Variants in PNOC observed in about 807,000 individuals in gnomAD.
PNOC encodes prepronociceptin.
PNOC carries 10 observed loss-of-function variants against 15.6 expected under a neutral mutation model. That is an observed-to-expected ratio of 0.64 (90% CI 0.40 to 1.09). PNOC has a LOEUF of 1.09. Ranked by LOEUF, PNOC falls within the 50% of genes least tolerant of loss-of-function variation. PNOC has a pLI of 0.01. For synonymous variants in PNOC, 98 were observed against 88.5 expected (o/e 1.11, Z -0.60); for missense variants, 220 against 223.9 (o/e 0.98, Z 0.11).
chr8:28,330,585 T>G (rs994517482), intron 2 of PNOC, among the ~76,000 whole-genome samples: 4 of 135,652 alleles, frequency 2.9e-5, no homozygotes, highest in African/African-American at 1.0e-4. Context: ...TTTTGTATTT[T>G]TAGTAGAGAT....
At chr8:28,325,731 G>A (rs893296521) in intron 1 of PNOC, among the ~76,000 whole-genome samples, 6 of 151,762 alleles carry the variant, frequency 4.0e-5, no homozygotes, top group Admixed American at 1.3e-4. Flanking sequence ...ACACGTGATC[G>A]GCTGAGACTA....
chr8:28,336,656 T>C (rs973490899), intron 2 of PNOC, among the ~76,000 whole-genome samples: 13 of 152,110 alleles, frequency 8.5e-5, no homozygotes, highest in African/African-American at 3.1e-4. Flanking sequence ...GTTTTATGGA[T>C]ATGATAAACA....
intron 2 of PNOC, among the ~76,000 whole-genome samples, chr8:28,332,705 T>C (rs762939173): frequency 6.6e-6 from 1 of 152,110 alleles, no homozygotes; most frequent in South Asian, 2.1e-4. Flanking sequence ...AATCCCAGCA[T>C]TTTGGGAGGC....
chr8:28,317,528 T>C (rs1425269611), intron 1 of PNOC, among the ~76,000 whole-genome samples: 1 of 152,180 alleles, frequency 6.6e-6, no homozygotes, highest in Non-Finnish European at 1.5e-5. Flanking sequence ...GTCTCTTTTT[T>C]AACCTCAGAC....
intron 2 of PNOC, among the ~76,000 whole-genome samples, chr8:28,332,249 A>G (rs957326613): frequency 6.6e-6 from 1 of 152,140 alleles, no homozygotes; most frequent in Non-Finnish European, 1.5e-5. Context: ...AAATGCCTAG[A>G]ATGTAGGCAC....
chr8:28,328,059 C>CTTTT (rs67204932), intron 1 of PNOC, among the ~76,000 whole-genome samples: 3 of 82,060 alleles, frequency 3.7e-5, no homozygotes, highest in Non-Finnish European at 6.7e-5. Context: ...CTCTCTCTCT[C>CTTTT]TTTTTTTTTT....
At chr8:28,342,673 C>T (rs544227189) in intron 3 of PNOC, among the ~76,000 whole-genome samples, 1 of 152,342 alleles carries the variant, frequency 6.6e-6, no homozygotes, top group Non-Finnish European at 1.5e-5. Flanking sequence ...CCAGCAAGAA[C>T]TGTTCCCCGG....
At position 28,338,772 on chromosome 8, in the gene PNOC, G is replaced by A. The variant is rs535489483; in HGVS notation, c.127-268G>A. ...TCCTGTGTTAACTTCCTATGTTAAC[G>A]TGCTGTGACACCAGAGGTAAGTTAC... is the stretch of plus-strand genomic sequence containing the variant. On this transcript the variant is annotated intron_variant, in intron 2 of 3. Coordinates refer to ENST00000301908, the MANE Select transcript of PNOC (RefSeq NM_006228.5). 4 of 1,180,126 alleles carry A rather than the reference G, an allele frequency of 3.4e-6. No homozygotes were observed. In the South Asian group the frequency reaches 1.1e-4, roughly 34 times the overall value. The allele number at this position is 1,180,126 out of a possible 1,614,324, so 73.1% of individuals were successfully genotyped here. A position where few individuals can be genotyped will look rare whatever the true frequency, so the allele number is the denominator to read the frequency against.
intron 1 of PNOC, among the ~76,000 whole-genome samples, chr8:28,328,225 A>G (rs1442925950): frequency 6.6e-6 from 1 of 151,316 alleles, no homozygotes; most frequent in Non-Finnish European, 1.5e-5. Context: ...GTACCACCAC[A>G]CCCGGATATA....
Position 28,339,406 on chromosome 8 carries a change from C to A in PNOC, c.493C>A (p.Gln165Lys). 6.4e-7 allele frequency: 1 copy of A among 1,553,352 alleles called. No homozygotes were observed. Among genetic ancestry groups the A allele is most frequent in the Non-Finnish European group, 8.7e-7 (1 of 1,144,018 alleles). ...CTTGGTCCTGAGCATGCAGTCCAGC[C>A]AGCGCCGGCGCACCCTGCACCAGAA... is the stretch of plus-strand genomic sequence containing the variant. ...QYLVLSMQSS[Q>K]RRRTLHQNGN... The change falls in exon 3 of 4, where the codon CAG becomes AAG. Residue 165 changes from glutamine (Q) to lysine (K), a missense_variant. Gln to Lys is a moderately conservative substitution (Grantham distance 53). Coordinates refer to ENST00000301908, the MANE Select transcript of PNOC (RefSeq NM_006228.5).
chr8:28,320,337 C>T (rs1399272817), intron 1 of PNOC, among the ~76,000 whole-genome samples: 2 of 151,908 alleles, frequency 1.3e-5, no homozygotes, highest in Non-Finnish European at 2.9e-5. Context: ...GGCCAAGGAA[C>T]GTGTGTGGGG....
chr8:28,330,552 C>A (rs1316280600), intron 2 of PNOC, among the ~76,000 whole-genome samples: 2 of 140,144 alleles, frequency 1.4e-5, no homozygotes, highest in Non-Finnish European at 3.1e-5. Flanking sequence ...CACCACCACA[C>A]CCGGCTACTT....
intron 2 of PNOC, among the ~76,000 whole-genome samples, chr8:28,338,400 C>T (rs1801450453): frequency 6.6e-6 from 1 of 152,088 alleles, no homozygotes; most frequent in Non-Finnish European, 1.5e-5. Context: ...TGGCATCTCT[C>T]CCCACACCTG....
At chr8:28,342,692 T>A (rs1801543476) in intron 3 of PNOC, among the ~76,000 whole-genome samples, 1 of 152,206 alleles carries the variant, frequency 6.6e-6, no homozygotes, top group Admixed American at 6.5e-5. Flanking sequence ...GGGAAGGGGC[T>A]TGCCACTGTG....
intron 1 of PNOC, among the ~76,000 whole-genome samples, chr8:28,321,402 C>T (rs1041187173): frequency 1.3e-5 from 2 of 151,922 alleles, no homozygotes; most frequent in Non-Finnish European, 2.9e-5. Flanking sequence ...TGGCCCAGAA[C>T]CAGGAAGATG....
At chr8:28,335,614 G>A (rs1017186671) in intron 2 of PNOC, among the ~76,000 whole-genome samples, 12 of 151,990 alleles carry the variant, frequency 7.9e-5, no homozygotes, top group South Asian at 2.1e-4. Context: ...CACAACCTCC[G>A]CCTCCCAGGT....
rs1258441971 is a variant in PNOC at position 28,339,461 on chromosome 8, T to C, written c.*17T>C. 6.6e-7 allele frequency: 1 copy of C among 1,518,684 alleles called. No homozygotes were observed. The allele number at this position is 1,518,684 out of a possible 1,614,324, so 94.1% of individuals were successfully genotyped here. ...AATGTGTAGCCGGAAGGGGCGCTCCTCCCAGCTGTACCGGCCACTGCAACC... is the reference window on the plus strand; with the variant it reads ...AATGTGTAGCCGGAAGGGGCGCTCCCCCCAGCTGTACCGGCCACTGCAACC... On this transcript the variant is annotated 3_prime_UTR_variant, in exon 3 of 4. Coordinates refer to ENST00000301908, the MANE Select transcript of PNOC (RefSeq NM_006228.5).
intron 1 of PNOC, among the ~76,000 whole-genome samples, chr8:28,328,890 A>G (rs1801272385): frequency 6.6e-6 from 1 of 152,150 alleles, no homozygotes; most frequent in African/African-American, 2.4e-5. Flanking sequence ...CCTGCCACCC[A>G]GGACTAACCC....
intron 2 of PNOC, among the ~76,000 whole-genome samples, chr8:28,337,364 A>G (rs963948440): frequency 2.6e-5 from 4 of 152,310 alleles, no homozygotes; most frequent in African/African-American, 4.8e-5. Context: ...GTGCAGTGAC[A>G]TGATAGCTCA....
Sources: gnomAD v4.1 joint callset for allele counts (sites outside exome capture counted in the v4.1 genomes callset) on GRCh38, gnomAD v4.1.1 for gene constraint, MANE v1.5 for transcripts, NCBI Gene and HGNC (gene_info 2026-07-23, HGNC 2026-07-21) for gene names.